The following CDK17 variants were observed in gnomAD, a reference collection of about 807,000 sequenced individuals.
CDK17 encodes cyclin dependent kinase 17.
A neutral mutation model predicts 77.6 loss-of-function variants in CDK17; 24 were observed. That is an observed-to-expected ratio of 0.31 (90% CI 0.22 to 0.44). CDK17 has a LOEUF of 0.44. Among genes scored for constraint, CDK17 ranks in the 20% least tolerant of loss-of-function variants. The pLI is 1.00. For synonymous variants in CDK17, 203 were observed against 210.4 expected (o/e 0.96, Z 0.30); for missense variants, 429 against 622.5 (o/e 0.69, Z 3.31).
intron 2 of CDK17, among the ~76,000 whole-genome samples, chr12:96,328,858 G>A (rs1487690467): frequency 1.3e-5 from 2 of 152,092 alleles, no homozygotes; most frequent in African/African-American, 4.8e-5. Flanking sequence ...GTCACCCAAG[G>A]AGAGGGTATA....
chr12:96,337,266 G>A (rs747638839), intron 1 of CDK17, among the ~76,000 whole-genome samples: 9 of 151,712 alleles, frequency 5.9e-5, no homozygotes, highest in Non-Finnish European at 8.8e-5. Context: ...AACTTCCTCA[G>A]TCGTTTTTTG....
chr12:96,294,611 A>AAAAAAAAAAAAAAAAT lies in CDK17; in HGVS notation c.997+387_997+388insATTTTTTTTTTTTTTT, dbSNP rs71097274. 8.7e-4 allele frequency among the ~76,000 whole-genome samples: 105 copies of AAAAAAAAAAAAAAAAT among 121,312 alleles called. 5 individuals carry two copies. The highest frequency in any genetic ancestry group is 4.0e-3 in the Middle Eastern group (1 of 250). 79.6% of individuals were successfully genotyped at this position (121,312 alleles called of 152,430 possible). A position where few individuals can be genotyped will look rare whatever the true frequency, so the allele number is the denominator to read the frequency against. ...AAAAAAAAAAAAAAAAAAAAAAAAA[A>AAAAAAAAAAAAAAAAT]GATATATTTTGGTGCCACTACTTTG... On this transcript the variant is annotated intron_variant, in intron 10 of 16. Transcript: ENST00000261211.
At chr12:96,311,726 A>G (rs957274064) in intron 4 of CDK17, among the ~76,000 whole-genome samples, 15 of 151,858 alleles carry the variant, frequency 9.9e-5, no homozygotes, top group African/African-American at 3.6e-4. Context: ...CCAAACCATG[A>G]AACGGAATGG....
chr12:96,297,931 T>TAA (rs79321799), intron 7 of CDK17, among the ~76,000 whole-genome samples: 8 of 130,838 alleles, frequency 6.1e-5, no homozygotes, highest in African/African-American at 2.0e-4. Context: ...CAATGCTATT[T>TAA]AAAAAAAAAA....
At chr12:96,291,030 T>C (rs1952316998) in intron 10 of CDK17, among the ~76,000 whole-genome samples, 1 of 150,004 alleles carries the variant, frequency 6.7e-6, no homozygotes, top group African/African-American at 2.5e-5. Context: ...GGGAAAAGGG[T>C]AGAATTTTCA....
chr12:96,315,929 T>TA (rs1407450094), intron 3 of CDK17, among the ~76,000 whole-genome samples: 16 of 149,288 alleles, frequency 1.1e-4, no homozygotes, highest in East Asian at 2.0e-4. Context: ...AGGGTACATT[T>TA]AAAAAAAAAA....
At chr12:96,336,662 T>C (rs374974345) in intron 1 of CDK17, among the ~76,000 whole-genome samples, 96 of 152,338 alleles carry the variant, frequency 6.3e-4, no homozygotes, top group African/African-American at 2.3e-3. Flanking sequence ...AAGTCGAGTT[T>C]ATGCCTAATG....
intron 1 of CDK17, among the ~76,000 whole-genome samples, chr12:96,382,357 A>T (rs1349314769): frequency 2.4e-4 from 9 of 38,212 alleles, no homozygotes; most frequent in Middle Eastern, 0.018. Flanking sequence ...ATCAGTAATT[A>T]AAAAAAAAAA....
intron 1 of CDK17, among the ~76,000 whole-genome samples, chr12:96,371,547 C>G (rs187984657): frequency 6.6e-6 from 1 of 152,238 alleles, no homozygotes; most frequent in Non-Finnish European, 1.5e-5. Context: ...AATCCCAACA[C>G]TTTGGGAGGC....
At chr12:96,303,199 C>T (rs1433831587) in intron 5 of CDK17, 6 of 152,106 alleles carry the variant, frequency 3.9e-5, no homozygotes, top group African/African-American at 1.4e-4. Flanking sequence ...AACATTTACC[C>T]AGCACAATGT....
chr12:96,364,901 G>A (rs1300104667), intron 1 of CDK17, among the ~76,000 whole-genome samples: 1 of 152,104 alleles, frequency 6.6e-6, no homozygotes, highest in Admixed American at 6.5e-5. Flanking sequence ...ACAAATATGA[G>A]ACAGGATCAA....
chr12:96,292,770 A>T (rs559339443), intron 10 of CDK17, among the ~76,000 whole-genome samples: 11 of 152,200 alleles, frequency 7.2e-5, no homozygotes, highest in Non-Finnish European at 1.3e-4. Flanking sequence ...TTCCTTCAAT[A>T]TGAAAAAGTT....
chr12:96,334,711 A>G lies in CDK17; in HGVS notation c.118+8T>C. ...GAGGAAGCATCTCCCCCTATGCCAA[A>G]TATTTACCATTATCCTTGCTGCTGT... On this transcript the variant is annotated splice_region_variant and intron_variant, in intron 2 of 16. Coordinates refer to ENST00000261211, the MANE Select transcript of CDK17 (RefSeq NM_002595.5). 2 of 1,488,376 alleles carry G rather than the reference A, an allele frequency of 1.3e-6. No homozygotes were observed. The highest frequency in any genetic ancestry group is 1.9e-6 in the Non-Finnish European group (2 of 1,068,212). 92.2% of individuals were successfully genotyped at this position (1,488,376 alleles called of 1,614,324 possible).
intron 4 of CDK17, among the ~76,000 whole-genome samples, 193 bp downstream of exon 4, chr12:96,313,128 T>C (rs954876126): frequency 3.9e-5 from 6 of 152,168 alleles, no homozygotes; most frequent in Non-Finnish European, 7.4e-5. Context: ...CATATCTACA[T>C]TGGGATAAAA....
intron 1 of CDK17, among the ~76,000 whole-genome samples, chr12:96,371,345 T>C (rs146072690): frequency 6.6e-6 from 1 of 152,298 alleles, no homozygotes; most frequent in African/African-American, 2.4e-5. Context: ...GACGTAAAGA[T>C]ATCCCGTGAA....
chr12:96,324,138 A>T, intron 2 of CDK17, 26 bp from the exon 3 acceptor site: 1 of 1,573,842 alleles, frequency 6.4e-7, no homozygotes, highest in Non-Finnish European at 8.6e-7. Flanking sequence ...TTCGAAAATC[A>T]TTCCATCATC....
At chr12:96,347,280 G>T (rs955843212) in intron 1 of CDK17, among the ~76,000 whole-genome samples, 4 of 152,072 alleles carry the variant, frequency 2.6e-5, no homozygotes, top group African/African-American at 7.2e-5. Context: ...AATACAGGAC[G>T]TGGCTGGGTG....
chr12:96,294,924 A>G (rs565386671), intron 10 of CDK17, 75 bp downstream of exon 10: 6 of 1,282,744 alleles, frequency 4.7e-6, no homozygotes, highest in South Asian at 4.6e-5. Flanking sequence ...ATGGCACATT[A>G]TGACAGTGGT....
chr12:96,279,672 C>A lies in CDK17; in HGVS notation c.*570G>T, dbSNP rs1156441209. On this transcript the variant is annotated 3_prime_UTR_variant, in exon 17 of 17. Transcript: ENST00000261211. ...AATGTGCTTGTCAATCTCTTAGCTA[C>A]TCTATTTGCCAATGTTCATTAAGAA... 6.6e-6 allele frequency: 1 copy of A among 152,504 alleles called. No homozygotes were observed. Among genetic ancestry groups the A allele is most frequent in the Non-Finnish European group, 1.5e-5 (1 of 68,030 alleles). 9.4% of individuals were successfully genotyped at this position (152,504 alleles called of 1,614,324 possible). A position where few individuals can be genotyped will look rare whatever the true frequency, so the allele number is the denominator to read the frequency against.
Sources: allele counts gnomAD v4.1 joint callset (sites outside exome capture counted in the v4.1 genomes callset), GRCh38; gene constraint gnomAD v4.1.1; transcripts MANE v1.5; gene names NCBI Gene and HGNC (gene_info 2026-07-23, HGNC 2026-07-21).